TECR: variants seen among roughly 807,000 people sequenced by gnomAD.
TECR encodes the protein trans-2,3-enoyl-CoA reductase.
In TECR, 19 loss-of-function variants were observed where a neutral mutation model predicts 50.6. That is an observed-to-expected ratio of 0.38 (90% confidence interval 0.26 to 0.55). The LOEUF (loss-of-function observed/expected upper bound fraction) is 0.55. TECR is among the 20% of genes least tolerant of loss of function. The pLI, the probability that TECR is intolerant of heterozygous loss-of-function variation, is 0.79. For missense variants in TECR, 313 were observed against 408.3 expected, an observed-to-expected ratio of 0.77 and a Z score of 2.01; for synonymous variants, 168 against 163.5, an observed-to-expected ratio of 1.03 and a Z score of -0.21.
At chr19:14,549,293 A>C (rs1370912680) in intron 1 of TECR, among the ~76,000 whole-genome samples, 4 of 144,600 alleles carry the variant, frequency 2.8e-5, no homozygotes, top group Admixed American at 2.2e-4. Context: ...GCTCACTGCA[A>C]CCTCTGCCTC....
chr19:14,541,565 C>T (rs62125086), intron 1 of TECR, among the ~76,000 whole-genome samples: 121 of 152,236 alleles, frequency 7.9e-4, no homozygotes, highest in Admixed American at 1.6e-3. Context: ...GTGGGATGAA[C>T]GAACCACATT....
chr19:14,549,527 A>G (rs1288482337), intron 1 of TECR, among the ~76,000 whole-genome samples: 3 of 151,986 alleles, frequency 2.0e-5, no homozygotes, highest in East Asian at 1.9e-4. Context: ...GGGTCTTACT[A>G]TGTTGCCCAG....
At chr19:14,537,173 G>A (rs1202058623) in intron 1 of TECR, among the ~76,000 whole-genome samples, 1 of 135,976 alleles carries the variant, frequency 7.4e-6, no homozygotes, top group East Asian at 2.2e-4. Context: ...GGCGGGGCCG[G>A]GGGGGAAGGG....
chr19:14,551,045 A>G (rs2073484044), intron 1 of TECR, among the ~76,000 whole-genome samples: 1 of 151,766 alleles, frequency 6.6e-6, no homozygotes, highest in Non-Finnish European at 1.5e-5. Flanking sequence ...TCATCTTAAG[A>G]TCCTTAATTA....
chr19:14,556,408 C>A (rs868362347), intron 1 of TECR, among the ~76,000 whole-genome samples: 4 of 50,890 alleles, frequency 7.9e-5, no homozygotes, highest in East Asian at 6.8e-4. Flanking sequence ...GAGACTCTCT[C>A]AAAAAAAAAA....
chr19:14,565,333 C>G lies in TECR; in HGVS notation c.753+43C>G, dbSNP rs773125697. ...CCCTCTCTGCCCTGGGACTTGGGGT[C>G]CCATGTGGAGGGACCAGCCCCTAGG... On this transcript the variant is annotated intron_variant, in intron 11 of 12. Transcript: ENST00000215567. 26 of 1,608,366 alleles carry G rather than the reference C, an allele frequency of 1.6e-5. No homozygotes were observed. The African/African-American group carries it at 2.1e-4, about 13-fold the overall frequency.
rs113855270 is a variant in TECR at position 14,562,510 on chromosome 19, G to A, written c.16-15G>A. 8.6e-3 allele frequency: 13,850 copies of A among 1,614,162 alleles called. 69 individuals carry two copies. The highest frequency in any genetic ancestry group is 0.01 in the Non-Finnish European group (12,202 of 1,179,954). On this transcript the variant is annotated splice_polypyrimidine_tract_variant and intron_variant, in intron 1 of 12. Transcript: ENST00000215567. ...GGTGGCCAAGAAACCTAAAAAGGCTGTTCTCTTCTTCGAGGTGGAGATTCT... is the reference window on the plus strand; with the variant it reads ...GGTGGCCAAGAAACCTAAAAAGGCTATTCTCTTCTTCGAGGTGGAGATTCT...
rs2073124658 is a variant in TECR at position 14,542,347 on chromosome 19, G to GGTTTTTTTTTTTT, written c.15+12636_15+12637insGTTTTTTTTTTTT. 3.5e-4 allele frequency among the ~76,000 whole-genome samples: 15 copies of GGTTTTTTTTTTTT among 43,280 alleles called. 2 individuals are homozygous for GGTTTTTTTTTTTT. The highest frequency in any genetic ancestry group is 6.5e-4 in the African/African-American group (8 of 12,312). 28.4% of individuals were successfully genotyped at this position (43,280 alleles called of 152,430 possible). The stretch of plus-strand genomic sequence containing the variant: ...CCTCAGGGGGCCCTCATGCCATAGT[G>GGTTTTTTTTTTTT]TTTTTTTTTTTTTTTTTTTTTTTTT... On this transcript the variant is annotated intron_variant, in intron 1 of 12. Transcript: ENST00000215567.
chr19:14,540,039 C>A (rs141941007), intron 1 of TECR, among the ~76,000 whole-genome samples: 11 of 151,044 alleles, frequency 7.3e-5, no homozygotes, highest in Non-Finnish European at 1.3e-4. Context: ...GCCACCATGC[C>A]TGGCTAATTT....
chr19:14,551,972 T>A (rs2073537008), intron 1 of TECR, among the ~76,000 whole-genome samples: 1 of 124,816 alleles, frequency 8.0e-6, no homozygotes, highest in Non-Finnish European at 1.7e-5. Context: ...TCTCTCTCTC[T>A]TTCTCTCTTT....
chr19:14,549,954 T>TA (rs201560790), intron 1 of TECR, among the ~76,000 whole-genome samples: 4,915 of 150,638 alleles, frequency 0.033, 151 homozygotes, highest in African/African-American at 0.088. Context: ...AAAAAAAAAA[T>TA]AAAAAAAATA....
At chr19:14,564,718 G>A in intron 7 of TECR, 68 bp from the exon 8 acceptor site, 1 of 1,498,666 alleles carries the variant, frequency 6.7e-7, no homozygotes, top group South Asian at 1.1e-5. Flanking sequence ...CCCTCGGGAT[G>A]AGACATGGGC....
chr19:14,529,803 T>C (rs541505241), intron 1 of TECR, 92 bp downstream of exon 1: 5 of 1,582,974 alleles, frequency 3.2e-6, no homozygotes, highest in East Asian at 2.3e-5. Context: ...TCTGGTCCTG[T>C]GCCCCGAAGG....
At chr19:14,557,746 C>T (rs2073780603) in intron 1 of TECR, among the ~76,000 whole-genome samples, 1 of 149,716 alleles carries the variant, frequency 6.7e-6, no homozygotes, top group Non-Finnish European at 1.5e-5. Flanking sequence ...GCCACCGTGC[C>T]CGGTCATCAT....
rs934797671 is a variant in TECR at position 14,565,436 on chromosome 19, T to C, written c.753+146T>C. 26 of 1,351,318 alleles carry C rather than the reference T, an allele frequency of 1.9e-5. No individual in the cohort carries two copies. The African/African-American group carries it at 3.8e-4, about 20-fold the overall frequency. The allele number at this position is 1,351,318 out of a possible 1,614,324, so 83.7% of individuals were successfully genotyped here. A position where few individuals can be genotyped will look rare whatever the true frequency, so the allele number is the denominator to read the frequency against. ...GAGGTGGAGACCGCGGCCTCTCTGC[T>C]GTGGTGGCGGGGAGGCGTGTGCCGC... On this transcript the variant is annotated intron_variant, in intron 11 of 12. Transcript: ENST00000215567.
intron 1 of TECR, among the ~76,000 whole-genome samples, chr19:14,537,600 A>G (rs1247009786): frequency 1.3e-5 from 2 of 152,184 alleles, no homozygotes; most frequent in Admixed American, 6.5e-5. Flanking sequence ...TAGTTGGTCA[A>G]GTTCAGGCTG....
Position 14,529,710 on chromosome 19 carries a change from A to C in TECR, c.14A>C (p.Glu5Ala), listed in dbSNP as rs2072542378. The C allele has an allele frequency of 6.2e-7, 1 of 1,613,964 alleles. No individual in the cohort carries two copies. The highest frequency in any genetic ancestry group is 1.7e-5 in the Admixed American group (1 of 60,012). The change falls in exon 1 of 13, where the codon GAG (glutamate) becomes GCG (alanine). Residue 5 changes from glutamate to alanine, a missense_variant and splice_region_variant. Physicochemically the swap from Glu to Ala is moderately radical, Grantham distance 107. Transcript: ENST00000215567. Reference protein sequence around the residue: MKHYEVEILDAKTRE... With the variant: MKHYAVEILDAKTRE... ...TGGGAGGGAGCCATGAAGCATTACGAGGTAAGAAGCGAGAAACAGGGGCCG... is the reference window on the plus strand; with the variant it reads ...TGGGAGGGAGCCATGAAGCATTACGCGGTAAGAAGCGAGAAACAGGGGCCG...
At position 14,565,162 on chromosome 19, in the gene TECR, G is replaced by T. The variant is rs779296812; in HGVS notation, c.664+39G>T. 8 of 1,613,836 alleles carry T rather than the reference G, an allele frequency of 5.0e-6. No individual in the cohort carries two copies. In the East Asian group the frequency reaches 1.8e-4, roughly 36 times the overall value. On this transcript the variant is annotated intron_variant, in intron 10 of 12. Transcript: ENST00000215567. ...GGGGGCAGGGGGACAGCTGGGCTGG[G>T]TGAGGGGGTCTGACTTTCTCCTTCT... is the stretch of plus-strand genomic sequence containing the variant.
At chr19:14,558,832 TCTC>T (rs2073822088) in intron 1 of TECR, among the ~76,000 whole-genome samples, 1 of 152,070 alleles carries the variant, frequency 6.6e-6, no homozygotes, top group South Asian at 2.1e-4. Flanking sequence ...CCTCACCGCT[TCTC>T]CTGGAGATGG....
Sources: gnomAD v4.1 joint callset for allele counts (sites outside exome capture counted in the v4.1 genomes callset) on GRCh38, gnomAD v4.1.1 for gene constraint, MANE v1.5 for transcripts, NCBI Gene and HGNC (gene_info 2026-07-23, HGNC 2026-07-21) for gene names.